Variants in UBE2E2 observed in about 807,000 individuals in gnomAD.
The protein encoded by UBE2E2 is ubiquitin conjugating enzyme E2 E2, also known as ubiquitin-conjugating enzyme E2 E2.
A neutral mutation model predicts 24.7 loss-of-function variants in UBE2E2; 6 were observed. The ratio of observed to expected loss-of-function variants is 0.24; its 90% confidence interval spans 0.13 to 0.48. The LOEUF (loss-of-function observed/expected upper bound fraction) is 0.48. Ranked by LOEUF, UBE2E2 falls within the 20% of genes least tolerant of loss-of-function variation. The pLI is 0.99. For missense variants in UBE2E2, 169 were observed against 245.0 expected (o/e 0.69, Z 2.07); for synonymous variants, 104 against 83.6 (o/e 1.24, Z -1.33).
intron 4 of UBE2E2, among the ~76,000 whole-genome samples, chr3:23,511,382 T>C (rs1250830020): frequency 6.6e-6 from 1 of 152,224 alleles, no homozygotes; most frequent in Non-Finnish European, 1.5e-5. Context: ...CAGGAAGGAC[T>C]CTCTGGTTTC....
At chr3:23,581,993 T>C (rs1292226102) in intron 5 of UBE2E2, among the ~76,000 whole-genome samples, 1 of 152,168 alleles carries the variant, frequency 6.6e-6, no homozygotes, top group Non-Finnish European at 1.5e-5. Context: ...GGGTTTGATA[T>C]ACAGTTGGTT....
chr3:23,374,324 T>C (rs911491930), intron 3 of UBE2E2, among the ~76,000 whole-genome samples: 2 of 152,206 alleles, frequency 1.3e-5, no homozygotes, highest in Admixed American at 6.5e-5. Context: ...GTTTCACATT[T>C]ATTATTTACC....
At position 23,530,863 on chromosome 3, in the gene UBE2E2, C is replaced by G. The variant is rs573816852; in HGVS notation, c.361-1691C>G. ...ACTGAGTACCATCTTTTACTCCCTT[C>G]CCTCTTCCCAAAACCCCACCCATGG... On this transcript the variant is annotated intron_variant, in intron 4 of 5. Transcript: ENST00000396703. Among the ~76,000 whole-genome samples the G allele has an allele frequency of 3.9e-5, 6 of 152,286 alleles. No individual in the cohort carries two copies. In the South Asian group the frequency reaches 1.2e-3, roughly 32 times the overall value.
chr3:23,400,621 C>CACACACACACACACAT (rs1260765336), intron 3 of UBE2E2, among the ~76,000 whole-genome samples: 5 of 151,182 alleles, frequency 3.3e-5, no homozygotes, highest in East Asian at 1.9e-4. Context: ...CACACACACA[C>CACACACACACACACAT]ACACACACAC....
intron 5 of UBE2E2, among the ~76,000 whole-genome samples, chr3:23,566,980 C>A (rs1361929543): frequency 6.6e-6 from 1 of 152,082 alleles, no homozygotes; most frequent in Non-Finnish European, 1.5e-5. Flanking sequence ...TGACTGTGTC[C>A]CAAGCTCAAG....
Position 23,243,109 on chromosome 3 carries a change from A to C in UBE2E2, c.227+25797A>C, listed in dbSNP as rs527274260. On this transcript the variant is annotated intron_variant, in intron 3 of 5. Transcript: ENST00000396703. ...TCAAAAAAAAAAAAGAAAAGAAAAG[A>C]AAAGAAAATAGTTATCACTGAATAG... 5.9e-4 allele frequency among the ~76,000 whole-genome samples: 89 copies of C among 152,104 alleles called. No homozygotes were observed. In the South Asian group the frequency reaches 0.018, roughly 30 times the overall value.
At chr3:23,549,030 T>TACC (rs1695582338) in intron 5 of UBE2E2, among the ~76,000 whole-genome samples, 1 of 152,220 alleles carries the variant, frequency 6.6e-6, no homozygotes, top group Non-Finnish European at 1.5e-5. Context: ...TCTCAGCCAG[T>TACC]ACCTACCTTC....
At chr3:23,288,236 C>T (rs187972124) in intron 3 of UBE2E2, among the ~76,000 whole-genome samples, 55 of 152,128 alleles carry the variant, frequency 3.6e-4, no homozygotes, top group Admixed American at 2.6e-3. Context: ...AAATTCTTCT[C>T]GTTATTGAGC....
rs145767473 is a variant in UBE2E2 at position 23,258,514 on chromosome 3, A to G, written c.227+41202A>G. 2.4e-3 allele frequency among the ~76,000 whole-genome samples: 371 copies of G among 152,338 alleles called. 9 individuals are homozygous for G. In the East Asian group the frequency reaches 0.051, roughly 21 times the overall value. On this transcript the variant is annotated intron_variant, in intron 3 of 5. Transcript: ENST00000396703. ...TTTGTATATCAGTTTTGTTAATAAC[A>G]ACGACAGTAAAATGAGCTGTCTACC...
chr3:23,378,380 G>A (rs1236869469), intron 3 of UBE2E2, among the ~76,000 whole-genome samples: 2 of 151,880 alleles, frequency 1.3e-5, no homozygotes, highest in East Asian at 1.9e-4. Flanking sequence ...GAATAATTCT[G>A]TGATGTTGAT....
intron 3 of UBE2E2, among the ~76,000 whole-genome samples, chr3:23,417,070 C>T (rs954913652): frequency 3.9e-5 from 6 of 152,190 alleles, no homozygotes; most frequent in Non-Finnish European, 8.8e-5. Context: ...CTAACTCATT[C>T]TCCGTCCAGT....
rs1328018952 is a variant in UBE2E2 at position 23,208,873 on chromosome 3, A to G, written c.174A>G (p.Lys58=). The change falls in exon 2 of 6, where the codon AAA becomes AAG. Residue 58 remains lysine, a splice_region_variant and synonymous_variant. Transcript: ENST00000396703. Reference sequence around the variant, plus strand: ...CTGCTAAATTGTCAACTAGTGCTAAAAGGTACTTCAGTTATTATAACCTTT... The same window carrying G: ...CTGCTAAATTGTCAACTAGTGCTAAGAGGTACTTCAGTTATTATAACCTTT... The part of the protein sequence containing the change: ...KTAAKLSTSA[K]RIQKELAEIT... 5 of 1,609,618 alleles carry G rather than the reference A, an allele frequency of 3.1e-6. No homozygotes were observed. The highest frequency in any genetic ancestry group is 4.2e-6 in the Non-Finnish European group (5 of 1,178,008).
intron 3 of UBE2E2, among the ~76,000 whole-genome samples, chr3:23,485,195 A>G (rs13065375): frequency 0.072 from 10,858 of 151,076 alleles, 506 homozygotes; most frequent in Non-Finnish European, 0.088. Flanking sequence ...CCAGGGTTCA[A>G]ACCTCCCAAG....
intron 3 of UBE2E2, among the ~76,000 whole-genome samples, chr3:23,337,934 T>C (rs373645563): frequency 4.6e-5 from 7 of 152,186 alleles, no homozygotes; most frequent in South Asian, 4.1e-4. Context: ...GAAGCAAAAT[T>C]GGATGTGGGG....
intron 3 of UBE2E2, among the ~76,000 whole-genome samples, chr3:23,400,577 C>A (rs1305324592): frequency 7.1e-6 from 1 of 140,064 alleles, no homozygotes; most frequent in Non-Finnish European, 1.6e-5. Flanking sequence ...ATCCTAAGAT[C>A]TACAGGTGGA....
intron 3 of UBE2E2, among the ~76,000 whole-genome samples, chr3:23,312,944 T>A (rs1252069897): frequency 6.6e-6 from 1 of 152,234 alleles, no homozygotes; most frequent in Non-Finnish European, 1.5e-5. Flanking sequence ...TCTATTGTCA[T>A]CAGAGAAGAT....
At chr3:23,532,847 T>C (rs753256504) in intron 5 of UBE2E2, 146 bp downstream of exon 5, 3 of 798,336 alleles carry the variant, frequency 3.8e-6, no homozygotes, top group Non-Finnish European at 5.2e-6. Context: ...GTAACTATTT[T>C]CTTTTTAAAT....
Position 23,474,034 on chromosome 3 carries a change from TC to T in UBE2E2, c.228-25571del, listed in dbSNP as rs1699078048. On this transcript the variant is annotated intron_variant, in intron 3 of 5. Coordinates refer to ENST00000396703, the MANE Select transcript of UBE2E2 (RefSeq NM_152653.4). The surrounding 1 kb of genome is among the most constrained non-coding windows in gnomAD (Gnocchi z 4.0). ...ATTCCCACCAGCAGTGTAGAAGTAT[TC>T]CCTTTTCACCGCATCTATGCCAACA... 6.6e-6 allele frequency among the ~76,000 whole-genome samples: 1 copy of T among 152,124 alleles called. No individual in the cohort carries two copies. The highest frequency in any genetic ancestry group is 2.4e-5 in the African/African-American group (1 of 41,342).
intron 3 of UBE2E2, among the ~76,000 whole-genome samples, chr3:23,268,733 C>A (rs1217670366): frequency 1.3e-5 from 2 of 149,078 alleles, no homozygotes; most frequent in African/African-American, 5.0e-5. Context: ...AAAAAAGAGC[C>A]CGCATTGCCA....
Sources: gnomAD v4.1 joint callset for allele counts (sites outside exome capture counted in the v4.1 genomes callset) on GRCh38, gnomAD v4.1.1 for gene constraint, Gnocchi (gnomAD v3.1) non-coding constraint, MANE v1.5 for transcripts, NCBI Gene and HGNC (gene_info 2026-07-23, HGNC 2026-07-21) for gene names.